Variants in SRD5A1 observed in about 807,000 individuals in gnomAD.
The protein encoded by SRD5A1 is steroid 5 alpha-reductase 1, also known as 3-oxo-5-alpha-steroid 4-dehydrogenase 1.
Under a neutral mutation model 28.2 loss-of-function variants are expected in SRD5A1, and 22 were observed. That is an observed-to-expected ratio of 0.78 (90% CI 0.56 to 1.12). SRD5A1 has a LOEUF of 1.12. Among genes scored for constraint, SRD5A1 ranks in the 50% most tolerant of loss-of-function variants. The pLI is 0.00. For synonymous variants in SRD5A1, 151 were observed against 135.0 expected (o/e 1.12, Z -0.82); for missense variants, 300 against 346.7 (o/e 0.87, Z 1.07).
At chr5:6,661,415 G>A (rs1738996810) in intron 3 of SRD5A1, among the ~76,000 whole-genome samples, 1 of 145,232 alleles carries the variant, frequency 6.9e-6, no homozygotes, top group African/African-American at 2.6e-5. Context: ...AAAAAAGGTA[G>A]CCAAAAGCCC....
rs1296638846 is a variant in SRD5A1, at chr5:6,669,343, A to T, written c.*1075A>T. The T allele has an allele frequency of 6.6e-6, 1 of 152,124 alleles. No individual in the cohort carries two copies. The highest frequency in any genetic ancestry group is 2.4e-5 in the African/African-American group (1 of 41,430). The allele number at this position is 152,124 out of a possible 1,614,324, so 9.4% of individuals were successfully genotyped here. On this transcript the variant is annotated 3_prime_UTR_variant, in exon 5 of 5. Coordinates refer to ENST00000274192, the MANE Select transcript of SRD5A1 (RefSeq NM_001047.4). ...CTGTTTTGCTGTTGTTGCTTTGCAA[A>T]GCTTTCCCCTCATAGCCTGTACCTG...
chr5:6,640,080 G>A (rs1738315799), intron 1 of SRD5A1, among the ~76,000 whole-genome samples: 2 of 152,140 alleles, frequency 1.3e-5, no homozygotes, highest in African/African-American at 4.8e-5. Context: ...GCTTGGGCCA[G>A]ACATTCCCAT....
chr5:6,654,479 G>C (rs547151351), intron 2 of SRD5A1, among the ~76,000 whole-genome samples: 2 of 152,204 alleles, frequency 1.3e-5, no homozygotes, highest in Admixed American at 1.3e-4. Flanking sequence ...TGTCATCCAG[G>C]CTGGAGTGCA....
chr5:6,659,899 C>T (rs1184115084), intron 3 of SRD5A1, among the ~76,000 whole-genome samples: 3 of 152,180 alleles, frequency 2.0e-5, no homozygotes, highest in Non-Finnish European at 2.9e-5. Flanking sequence ...CCCTTCGCTG[C>T]AGACTCTTAA....
intron 3 of SRD5A1, among the ~76,000 whole-genome samples, chr5:6,661,094 A>G (rs1260848550): frequency 1.3e-5 from 2 of 152,210 alleles, no homozygotes; most frequent in Non-Finnish European, 2.9e-5. Context: ...CCATATCAGT[A>G]TTATTTTACA....
chr5:6,651,934 A>G lies in SRD5A1; in HGVS notation c.386A>G (p.Tyr129Cys), dbSNP rs1049581962. The change falls in exon 2 of 5, where the codon TAT (tyrosine) becomes TGT (cysteine). Residue 129 changes from tyrosine (Y) to cysteine (C), a missense_variant. This residue lies in a region of SRD5A1 where 126 missense variants were observed against 185.7 expected (regional missense o/e 0.68). Transcript: ENST00000274192. ...ATTATGTTCTGTACCTGTAACGGCT[A>G]TTTGCAAAGCAGATACTTGAGCCAT... ...MAIMFCTCNG[Y>C]LQSRYLSHCA... is the part of the protein sequence containing the mutation. 1 of 1,614,086 alleles carries G rather than the reference A, an allele frequency of 6.2e-7. No individual in the cohort carries two copies. The highest frequency in any genetic ancestry group is 1.1e-5 in the South Asian group (1 of 91,074).
intron 4 of SRD5A1, among the ~76,000 whole-genome samples, chr5:6,664,784 A>G (rs2126553173): frequency 6.6e-6 from 1 of 152,388 alleles, no homozygotes; most frequent in African/African-American, 2.4e-5. Context: ...GAGACACTCC[A>G]TCGTGCCAGT....
rs756919485 is a variant in SRD5A1 at position 6,670,483 on chromosome 5, T to A, written c.*2215T>A. The A allele has an allele frequency of 6.6e-6, 1 of 152,274 alleles. No homozygotes were observed. The allele number at this position is 152,274 out of a possible 1,614,324, so 9.4% of individuals were successfully genotyped here. On this transcript the variant is annotated 3_prime_UTR_variant, in exon 5 of 5. Coordinates refer to ENST00000274192, the MANE Select transcript of SRD5A1 (RefSeq NM_001047.4). ...TATCATGACCAAAGCTAAAATCCAA[T>A]GAGGCAGAGAACAATAGTTGTACCC...
At chr5:6,663,544 C>T (rs1239159444) in intron 4 of SRD5A1, among the ~76,000 whole-genome samples, 3 of 152,132 alleles carry the variant, frequency 2.0e-5, no homozygotes, top group African/African-American at 7.2e-5. Context: ...GCTTGCGAGC[C>T]ATTTGACCAA....
At chr5:6,634,668 G>C (rs1323874841) in intron 1 of SRD5A1, among the ~76,000 whole-genome samples, 3 of 152,208 alleles carry the variant, frequency 2.0e-5, no homozygotes, top group African/African-American at 7.2e-5. Context: ...CAGGATTGTG[G>C]GGGTGGAAAG....
At position 6,656,112 on chromosome 5, in the gene SRD5A1, C is replaced by T; in HGVS notation, c.495C>T (p.Asn165=). 6.2e-7 allele frequency: 1 copy of T among 1,614,032 alleles called. No homozygotes were observed. The highest frequency in any genetic ancestry group is 8.5e-7 in the Non-Finnish European group (1 of 1,179,982). ...FGLWLTGMLI[N]IHSDHILRNL... ...TGTGGTTAACGGGCATGTTGATAAA[C>T]ATCCATTCAGATCATATCCTAAGGA... is the stretch of plus-strand genomic sequence containing the variant. Residue 165 remains asparagine, a synonymous_variant, in exon 3 of 5, where the codon AAC becomes AAT. Coordinates refer to ENST00000274192, the MANE Select transcript of SRD5A1 (RefSeq NM_001047.4).
At chr5:6,646,737 C>G (rs1233189300) in intron 1 of SRD5A1, among the ~76,000 whole-genome samples, 1 of 152,108 alleles carries the variant, frequency 6.6e-6, no homozygotes, top group Non-Finnish European at 1.5e-5. Context: ...CTCCTAGATT[C>G]ATTGATTTTT....
intron 3 of SRD5A1, among the ~76,000 whole-genome samples, chr5:6,657,324 C>G (rs1738862397): frequency 6.6e-6 from 1 of 152,194 alleles, no homozygotes; most frequent in Non-Finnish European, 1.5e-5. Context: ...ACCTATTCAG[C>G]CCCTGGGTGG....
At chr5:6,651,011 A>G (rs1223044408) in intron 1 of SRD5A1, among the ~76,000 whole-genome samples, 1 of 150,698 alleles carries the variant, frequency 6.6e-6, no homozygotes, top group East Asian at 2.0e-4. Context: ...TTACTTTACC[A>G]CTCTGAGTCT....
At chr5:6,663,051 A>G in intron 4 of SRD5A1, 85 bp downstream of exon 4, 1 of 1,510,370 alleles carries the variant, frequency 6.6e-7, no homozygotes, top group Non-Finnish European at 9.0e-7. Flanking sequence ...TTGAAGTGTT[A>G]ATTTAAATCG....
intron 4 of SRD5A1, among the ~76,000 whole-genome samples, chr5:6,665,505 A>G (rs1299054924): frequency 6.6e-6 from 1 of 152,190 alleles, no homozygotes; most frequent in East Asian, 1.9e-4. Flanking sequence ...ATACAACGTT[A>G]TCTCTCTAAA....
chr5:6,664,816 G>C (rs1054373986), intron 4 of SRD5A1, among the ~76,000 whole-genome samples: 1 of 152,274 alleles, frequency 6.6e-6, no homozygotes, highest in African/African-American at 2.4e-5. Flanking sequence ...TTCACGCATA[G>C]ACAGTGAGGA....
At chr5:6,639,653 C>T (rs374890901) in intron 1 of SRD5A1, among the ~76,000 whole-genome samples, 29 of 152,098 alleles carry the variant, frequency 1.9e-4, no homozygotes, top group Admixed American at 1.0e-3. Context: ...TTATTAATTT[C>T]GCCTGATTTT....
intron 1 of SRD5A1, among the ~76,000 whole-genome samples, chr5:6,640,015 C>G (rs1738314654): frequency 6.6e-6 from 1 of 152,144 alleles, no homozygotes; most frequent in African/African-American, 2.4e-5. Context: ...GTAAGTATTT[C>G]TTCTGACTTA....
Sources: gnomAD v4.1 joint callset for allele counts (sites outside exome capture counted in the v4.1 genomes callset) on GRCh38, gnomAD v4.1.1 for gene constraint, gnomAD v4.1.1 regional missense constraint, MANE v1.5 for transcripts, NCBI Gene and HGNC (gene_info 2026-07-23, HGNC 2026-07-21) for gene names.